COL4A4: variants seen among roughly 807,000 people sequenced by gnomAD.
COL4A4 encodes the protein collagen type IV alpha 4 chain.
COL4A4 carries 105 observed loss-of-function variants against 192.9 expected under a neutral mutation model. The ratio of observed to expected loss-of-function variants is 0.54; its 90% confidence interval spans 0.46 to 0.64. The LOEUF (loss-of-function observed/expected upper bound fraction) is 0.64, where lower values mean the gene tolerates loss of function less well. Among genes scored for constraint, COL4A4 ranks in the 30% least tolerant of loss-of-function variants. COL4A4 has a pLI of 0.00. For synonymous variants in COL4A4, 762 were observed against 769.9 expected (o/e 0.99, Z 0.17); for missense variants, 1,967 against 2,169.3 (o/e 0.91, Z 1.85).
intron 25 of COL4A4, among the ~76,000 whole-genome samples, chr2:227,063,487 T>C (rs1977659990): frequency 6.6e-6 from 1 of 152,104 alleles, no homozygotes; most frequent in Non-Finnish European, 1.5e-5. Flanking sequence ...CTTTCTGTTA[T>C]CAAAACAAGA....
intron 38 of COL4A4, 120 bp from the exon 39 acceptor site, chr2:227,032,396 A>C (rs1390574372): frequency 1.8e-6 from 2 of 1,141,920 alleles, no homozygotes; most frequent in Non-Finnish European, 2.5e-6. Context: ...AGACACCAAC[A>C]ACTGGTTGCA....
At chr2:227,058,919 C>T (rs770876071) in intron 28 of COL4A4, among the ~76,000 whole-genome samples, 4 of 152,010 alleles carry the variant, frequency 2.6e-5, no homozygotes, top group Non-Finnish European at 5.9e-5. Context: ...TGCCCTCCTG[C>T]CACCCCAAAT....
At chr2:227,069,246 T>C (rs1269504831) in intron 25 of COL4A4, among the ~76,000 whole-genome samples, 1 of 151,416 alleles carries the variant, frequency 6.6e-6, no homozygotes, top group Non-Finnish European at 1.5e-5. Flanking sequence ...GAATATTCCA[T>C]GCTCATGGGT....
chr2:227,059,548 G>A lies in COL4A4; in HGVS notation c.2240C>T (p.Pro747Leu), dbSNP rs1300646978. Residue 747 changes from proline to leucine, a missense_variant, in exon 28 of 48, where the codon CCC becomes CTC. Physicochemically the swap from Pro to Leu is moderately conservative, Grantham distance 98 (BLOSUM62 -3). Transcript: ENST00000396625. ...CTGACCATTCACTCCTGGTGAGCCG[G>A]GAGGGCCTGGGGGCCCAACAGGGGA... ...GSSPVGPPGP[P>L]GSPGVNGQKG... 6.2e-7 allele frequency: 1 copy of A among 1,614,080 alleles called. No individual in the cohort carries two copies. The highest frequency in any genetic ancestry group is 8.5e-7 in the Non-Finnish European group (1 of 1,180,010).
Position 227,094,192 on chromosome 2 carries a change from T to A in COL4A4, c.1302A>T (p.Lys434Asn). ...IPGRPDSAPG[K>N]PGKPGSPGLP... is the part of the protein sequence containing the mutation. ...AGCCAGGTGATCCTGGCTTCCCTGG[T>A]TTTCCTGGAGCAGAATCAGGTCTCC... The change falls in exon 20 of 48, where the codon AAA becomes AAT. Residue 434 changes from lysine (K) to asparagine (N), a missense_variant. Coordinates refer to ENST00000396625, the MANE Select transcript of COL4A4 (RefSeq NM_000092.5). The A allele has an allele frequency of 6.2e-7, 1 of 1,613,696 alleles. No homozygotes were observed. Among genetic ancestry groups the A allele is most frequent in the Non-Finnish European group, 8.5e-7 (1 of 1,179,836 alleles).
chr2:227,066,507 C>G (rs1406615072), intron 25 of COL4A4, among the ~76,000 whole-genome samples: 4 of 152,208 alleles, frequency 2.6e-5, no homozygotes, highest in Admixed American at 6.5e-5. Context: ...ATCAGACTAA[C>G]AGTGGATCTT....
chr2:227,035,529 C>CAA lies in COL4A4; in HGVS notation c.3506-2050_3506-2049dup, dbSNP rs112442514. ...TCAAATGAGCCATATTCTCGTGCAC[C>CAA]AAAAAAAAAAAAAAAATGGGAATGC... On this transcript the variant is annotated intron_variant, in intron 37 of 47. Coordinates refer to ENST00000396625, the MANE Select transcript of COL4A4 (RefSeq NM_000092.5). 5.9e-3 allele frequency among the ~76,000 whole-genome samples: 744 copies of CAA among 125,698 alleles called. 5 individuals are homozygous for CAA. The highest frequency in any genetic ancestry group is 0.017 in the African/African-American group (611 of 35,418). 82.5% of individuals were successfully genotyped at this position (125,698 alleles called of 152,430 possible).
At chr2:227,039,251 C>T (rs1970310313) in intron 37 of COL4A4, among the ~76,000 whole-genome samples, 1 of 152,192 alleles carries the variant, frequency 6.6e-6, no homozygotes. Flanking sequence ...ACTGCAACCT[C>T]CACCTCCTGG....
At chr2:227,122,440 C>T (rs770752279) in intron 4 of COL4A4, among the ~76,000 whole-genome samples, 1 of 152,182 alleles carries the variant, frequency 6.6e-6, no homozygotes, top group Non-Finnish European at 1.5e-5. Flanking sequence ...GACAGAAAAG[C>T]TTGGCAGGGT....
chr2:227,113,797 G>A (rs2061348189), intron 8 of COL4A4, among the ~76,000 whole-genome samples: 1 of 152,248 alleles, frequency 6.6e-6, no homozygotes. Flanking sequence ...GCTCAGGTGT[G>A]TCCATTCTGC....
chr2:226,984,460 G>A, the COL4A4 span, among the ~76,000 whole-genome samples: 2 of 152,178 alleles, frequency 1.3e-5, no homozygotes, highest in African/African-American at 4.8e-5. Flanking sequence ...GCCATCACGG[G>A]GGCTCCACCC....
In COL4A4 at chr2:227,059,540, G is replaced by C; in HGVS notation, c.2248C>G (p.Pro750Ala). ...ATTCCTTTCTGACCATTCACTCCTG[G>C]TGAGCCGGGAGGGCCTGGGGGCCCA... ...PVGPPGPPGS[P>A]GVNGQKGIPG... Residue 750 changes from proline to alanine, a missense_variant, in exon 28 of 48, where the codon CCA becomes GCA. Coordinates refer to ENST00000396625, the MANE Select transcript of COL4A4 (RefSeq NM_000092.5). 1 of 1,614,068 alleles carries C rather than the reference G, an allele frequency of 6.2e-7. No individual in the cohort carries two copies. Among genetic ancestry groups the C allele is most frequent in the East Asian group, 2.2e-5 (1 of 44,856 alleles).
chr2:227,146,336 T>A (rs547629606), intron 2 of COL4A4, among the ~76,000 whole-genome samples: 1 of 152,232 alleles, frequency 6.6e-6, no homozygotes, highest in African/African-American at 2.4e-5. Flanking sequence ...TTTCCATTTC[T>A]TCCACGTCCA....
intron 40 of COL4A4, 93 bp from the exon 41 acceptor site, chr2:227,030,691 G>T: frequency 1.1e-6 from 1 of 941,972 alleles, no homozygotes. Flanking sequence ...ACAATTCAAT[G>T]ACTTGCAAGC....
At chr2:227,142,146 C>T (rs1230243581) in intron 3 of COL4A4, among the ~76,000 whole-genome samples, 1 of 146,274 alleles carries the variant, frequency 6.8e-6, no homozygotes, top group African/African-American at 2.5e-5. Context: ...CAAGGTTTGA[C>T]TTGGATCAGT....
Position 227,108,858 on chromosome 2 carries a change from C to T in COL4A4, c.668G>A (p.Gly223Asp). 6.2e-7 allele frequency: 1 copy of T among 1,611,624 alleles called. No individual in the cohort carries two copies. Among genetic ancestry groups the T allele is most frequent in the Non-Finnish European group, 8.5e-7 (1 of 1,178,564 alleles). ...PGEPGLVGPP[G>D]QPGRPGLKGN... ...CTTCAAACCTGGACGCCCTGGTTGGCCCGGAGGTCCCTAAATCAAGGGAGA... is the reference window on the plus strand; with the variant it reads ...CTTCAAACCTGGACGCCCTGGTTGGTCCGGAGGTCCCTAAATCAAGGGAGA... Residue 223 changes from glycine (G) to aspartate (D), a missense_variant, in exon 11 of 48, where the codon GGC becomes GAC. Transcript: ENST00000396625.
At chr2:227,039,769 G>A (rs915423334) in intron 37 of COL4A4, among the ~76,000 whole-genome samples, 1 of 152,226 alleles carries the variant, frequency 6.6e-6, no homozygotes, top group Non-Finnish European at 1.5e-5. Context: ...CATGAAGGCT[G>A]TAGAGATGGT....
Position 227,043,184 on chromosome 2 carries a change from C to G in COL4A4, c.3290G>C (p.Gly1097Ala), listed in dbSNP as rs1971801961. Residue 1097 changes from glycine (G) to alanine (A), a missense_variant and splice_region_variant, in exon 36 of 48, where the codon GGG (glycine) becomes GCG (alanine). Gly to Ala is a moderately conservative substitution (Grantham distance 60). Transcript: ENST00000396625. ...CTGCTCTCCGGATGCTCCAAAATGCCCTAAAGAAGGAAAGATCAAACATCA... is the reference window on the plus strand; with the variant it reads ...CTGCTCTCCGGATGCTCCAAAATGCGCTAAAGAAGGAAAGATCAAACATCA... The part of the protein sequence containing the change: ...KGEPGSPGCP[G>A]HFGASGEQGL... The G allele has an allele frequency of 6.2e-7, 1 of 1,613,300 alleles. No homozygotes were observed. The highest frequency in any genetic ancestry group is 1.1e-5 in the South Asian group (1 of 91,076).
chr2:227,028,188 A>G (rs559833053), intron 41 of COL4A4, among the ~76,000 whole-genome samples, 179 bp from the exon 42 acceptor site: 33 of 152,212 alleles, frequency 2.2e-4, no homozygotes, highest in Non-Finnish European at 4.3e-4. Context: ...CCTCTGAAGG[A>G]AACACATGAT....
Sources: allele counts gnomAD v4.1 joint callset (sites outside exome capture counted in the v4.1 genomes callset), GRCh38; gene constraint gnomAD v4.1.1; transcripts MANE v1.5; gene names NCBI Gene and HGNC (gene_info 2026-07-23, HGNC 2026-07-21).